Variants in MYH15 observed in about 807,000 individuals in gnomAD.
MYH15 encodes myosin heavy chain 15, also known as myosin-15.
MYH15 carries 227 observed loss-of-function variants against 240.5 expected under a neutral mutation model. That is an observed-to-expected ratio of 0.94 (90% CI 0.85 to 1.05). The LOEUF is 1.05. Among genes scored for constraint, MYH15 ranks in the 50% least tolerant of loss-of-function variants. The pLI is 0.00. For synonymous variants in MYH15, 785 were observed against 796.7 expected (o/e 0.99, Z 0.25); for missense variants, 2,217 against 2,247.5 (o/e 0.99, Z 0.27).
intron 38 of MYH15, among the ~76,000 whole-genome samples, chr3:108,386,814 A>G (rs1349172379): frequency 6.6e-6 from 1 of 152,066 alleles, no homozygotes; most frequent in Non-Finnish European, 1.5e-5. Flanking sequence ...ATGATACTAC[A>G]TTCTTGACTA....
the MYH15 span, among the ~76,000 whole-genome samples, chr3:108,539,785 A>T: frequency 9.2e-5 from 14 of 152,124 alleles, no homozygotes; most frequent in African/African-American, 3.4e-4. Flanking sequence ...AGCACAGAAG[A>T]AATATAGACA....
the MYH15 span, among the ~76,000 whole-genome samples, chr3:108,539,475 C>T: frequency 1.3e-5 from 2 of 151,972 alleles, no homozygotes; most frequent in Non-Finnish European, 2.9e-5. Context: ...ATAAAGCAAG[C>T]AACTATGTAT....
At chr3:108,453,178 G>A (rs1321273942) in intron 21 of MYH15, among the ~76,000 whole-genome samples, 5 of 151,996 alleles carry the variant, frequency 3.3e-5, no homozygotes. Context: ...TACACAACTG[G>A]TCCTAGAAGC....
the MYH15 span, chr3:108,543,836 A>G: frequency 1.3e-5 from 2 of 152,270 alleles, no homozygotes; most frequent in African/African-American, 4.8e-5. Flanking sequence ...TTCTTGTGGA[A>G]GTGAGGCATC....
chr3:108,447,660 C>T (rs777816256), intron 21 of MYH15, among the ~76,000 whole-genome samples: 5 of 151,864 alleles, frequency 3.3e-5, no homozygotes, highest in Non-Finnish European at 7.4e-5. Flanking sequence ...AGATAACAGA[C>T]TGCCACACAA....
At chr3:108,465,208 G>C (rs1576250464) in intron 14 of MYH15, among the ~76,000 whole-genome samples, 2 of 152,192 alleles carry the variant, frequency 1.3e-5, no homozygotes, top group South Asian at 2.1e-4. Flanking sequence ...GTTTTAGATA[G>C]AGTCATTGGG....
chr3:108,528,864 T>C (rs1306636882), intron 1 of MYH15, among the ~76,000 whole-genome samples: 1 of 152,162 alleles, frequency 6.6e-6, no homozygotes, highest in African/African-American at 2.4e-5. Context: ...ATAATTAGAA[T>C]TCAGGCAACT....
chr3:108,510,639 A>G, upstream of MYH15: 1 of 1,553,770 alleles, frequency 6.4e-7, no homozygotes, highest in Non-Finnish European at 8.8e-7. Flanking sequence ...TAAGGCATCA[A>G]GCTCTAAATG....
At chr3:108,505,309 G>A (rs1240520301) in intron 2 of MYH15, among the ~76,000 whole-genome samples, 1 of 151,984 alleles carries the variant, frequency 6.6e-6, no homozygotes, top group African/African-American at 2.4e-5. Flanking sequence ...TCTCACTCTG[G>A]TTGCCCAGGA....
intron 36 of MYH15, among the ~76,000 whole-genome samples, chr3:108,392,669 T>C (rs752778265): frequency 1.2e-4 from 18 of 152,164 alleles, no homozygotes; most frequent in Non-Finnish European, 2.5e-4. Context: ...TTACATTCTG[T>C]GATGTGGGGT....
At chr3:108,490,066 C>G (rs1405268327) in intron 9 of MYH15, among the ~76,000 whole-genome samples, 4 of 152,174 alleles carry the variant, frequency 2.6e-5, no homozygotes, top group Admixed American at 2.6e-4. Flanking sequence ...CACATTAGAT[C>G]TTACGTGTCA....
At chr3:108,450,613 A>C (rs2082963936) in intron 21 of MYH15, among the ~76,000 whole-genome samples, 1 of 152,204 alleles carries the variant, frequency 6.6e-6, no homozygotes, top group Non-Finnish European at 1.5e-5. Flanking sequence ...GTAAGTTCTG[A>C]GGATCTAATA....
chr3:108,419,302 C>A (rs1237183947), intron 28 of MYH15, among the ~76,000 whole-genome samples: 2 of 152,060 alleles, frequency 1.3e-5, no homozygotes, highest in African/African-American at 4.8e-5. Context: ...ATTTGTACTT[C>A]TAATTTAATT....
At chr3:108,543,388 T>C in the MYH15 span, 1 of 152,276 alleles carries the variant, frequency 6.6e-6, no homozygotes, top group Admixed American at 6.5e-5. Context: ...TCCTTGGTGA[T>C]GACTCTGGCT....
Position 108,381,299 on chromosome 3 carries a change from A to G in MYH15, c.*246T>C. On this transcript the variant is annotated 3_prime_UTR_variant, in exon 41 of 41. Transcript: ENST00000693548. ...ACATCAGAATTGAAAAGGTTCTTCC[A>G]TTTATTTAATCTGTCATGTGAAGCA... The G allele has an allele frequency of 1.8e-6, 1 of 563,068 alleles. No individual in the cohort carries two copies. The highest frequency in any genetic ancestry group is 2.9e-5 in the East Asian group (1 of 33,900). The allele number at this position is 563,068 out of a possible 1,614,324, so 34.9% of individuals were successfully genotyped here.
chr3:108,408,440 T>C (rs1360802934), intron 31 of MYH15, 36 bp from the exon 32 acceptor site: 4 of 1,585,064 alleles, frequency 2.5e-6, no homozygotes, highest in Non-Finnish European at 3.4e-6. Context: ...AGTTAGTGAA[T>C]GGGCTCAGTC....
the MYH15 span, among the ~76,000 whole-genome samples, chr3:108,545,688 T>TACACAC: frequency 1.4e-4 from 19 of 137,726 alleles, no homozygotes; most frequent in African/African-American, 4.8e-4. Context: ...GTTTCTAATA[T>TACACAC]ACACATACAC....
intron 30 of MYH15, among the ~76,000 whole-genome samples, chr3:108,411,521 C>G (rs1197995748): frequency 1.3e-5 from 2 of 152,180 alleles, no homozygotes; most frequent in Non-Finnish European, 2.9e-5. Flanking sequence ...TTAACAGGTC[C>G]TACTGTTCTT....
intron 21 of MYH15, among the ~76,000 whole-genome samples, chr3:108,449,117 T>C (rs1196091037): frequency 1.3e-5 from 2 of 151,974 alleles, no homozygotes; most frequent in Admixed American, 6.6e-5. Context: ...TGCAAAAATA[T>C]CTTGTGTTCA....
Sources: gnomAD v4.1 joint callset for allele counts (sites outside exome capture counted in the v4.1 genomes callset) on GRCh38, gnomAD v4.1.1 for gene constraint, MANE v1.5 for transcripts, NCBI Gene and HGNC (gene_info 2026-07-23, HGNC 2026-07-21) for gene names.